The following PLCB1 variants were observed in gnomAD, a reference collection of about 807,000 sequenced individuals.
The protein encoded by PLCB1 is phospholipase C beta 1.
In PLCB1, 46 loss-of-function variants were observed where a neutral mutation model predicts 161.8. The observed-to-expected ratio is 0.28, with a 90% CI of 0.22 to 0.36. The LOEUF (loss-of-function observed/expected upper bound fraction) is 0.36, where lower values mean the gene tolerates loss of function less well. Ranked by LOEUF, PLCB1 falls within the 10% of genes least tolerant of loss-of-function variation. The probability of loss-of-function intolerance (pLI) is 1.00; values close to 1 mark genes in which losing one functional copy is unlikely to be tolerated. For synonymous variants in PLCB1, 517 were observed against 503.7 expected, an observed-to-expected ratio of 1.03 and a Z score of -0.35; for missense variants, 1,016 against 1,472.5, an observed-to-expected ratio of 0.69 and a Z score of 5.07.
chr20:8,299,530 C>T (rs925194585), intron 2 of PLCB1, among the ~76,000 whole-genome samples: 1 of 152,172 alleles, frequency 6.6e-6, no homozygotes, highest in African/African-American at 2.4e-5. Context: ...CCCAAATTCA[C>T]GTCACTGTTT....
At chr20:8,761,975 A>AGGG (rs1555788720) in intron 25 of PLCB1, among the ~76,000 whole-genome samples, 21 of 109,608 alleles carry the variant, frequency 1.9e-4, no homozygotes, top group African/African-American at 6.0e-4. Context: ...TGGGGAGGCC[A>AGGG]AGGGGGGGGC....
chr20:8,278,674 A>T (rs1254494591), intron 2 of PLCB1, among the ~76,000 whole-genome samples: 1 of 152,106 alleles, frequency 6.6e-6, no homozygotes, highest in Non-Finnish European at 1.5e-5. Flanking sequence ...GGCCAAAATT[A>T]AATTTTCTTA....
At chr20:8,461,899 A>G (rs767595327) in intron 3 of PLCB1, among the ~76,000 whole-genome samples, 5 of 152,100 alleles carry the variant, frequency 3.3e-5, no homozygotes. Flanking sequence ...TCATAACTCT[A>G]TCTCATCTTA....
At chr20:8,248,375 G>C (rs1387900465) in intron 2 of PLCB1, among the ~76,000 whole-genome samples, 1 of 151,834 alleles carries the variant, frequency 6.6e-6, no homozygotes, top group Non-Finnish European at 1.5e-5. Flanking sequence ...GAAGAAGGCT[G>C]CTACAGATAC....
intron 3 of PLCB1, among the ~76,000 whole-genome samples, chr20:8,601,004 A>G (rs377170385): frequency 0.027 from 4,058 of 151,938 alleles, 61 homozygotes; most frequent in Middle Eastern, 0.059. Flanking sequence ...ACTGTCTGGC[A>G]CTCCCTAGTG....
chr20:8,635,345 A>G (rs1383913841), intron 4 of PLCB1, among the ~76,000 whole-genome samples: 1 of 152,176 alleles, frequency 6.6e-6, no homozygotes, highest in East Asian at 1.9e-4. Context: ...ACTCTTGAAA[A>G]TAAGTGATAG....
chr20:8,681,084 G>GCATATATATA (rs1555782769), intron 9 of PLCB1, among the ~76,000 whole-genome samples: 2 of 39,792 alleles, frequency 5.0e-5, no homozygotes, highest in African/African-American at 2.4e-4. Context: ...ATATGTGTGT[G>GCATATATATA]TGTATATATA....
intron 1 of PLCB1, among the ~76,000 whole-genome samples, chr20:8,146,140 A>G (rs182141187): frequency 7.3e-5 from 11 of 151,054 alleles, no homozygotes; most frequent in Non-Finnish European, 1.3e-4. Flanking sequence ...ACAGTTATAC[A>G]TACAGCATAT....
chr20:8,660,585 G>T (rs932798798), intron 9 of PLCB1, among the ~76,000 whole-genome samples: 2 of 151,998 alleles, frequency 1.3e-5, no homozygotes, highest in African/African-American at 4.8e-5. Context: ...TGACTTGCAC[G>T]ATGTAGAGGG....
chr20:8,529,318 T>A (rs568102051), intron 3 of PLCB1, among the ~76,000 whole-genome samples: 3 of 152,016 alleles, frequency 2.0e-5, no homozygotes, highest in Admixed American at 6.6e-5. Context: ...AAAAGGCAAT[T>A]TAAATTTTCT....
intron 2 of PLCB1, among the ~76,000 whole-genome samples, chr20:8,175,916 ATATGAAAAGATGTCGCCTTCAT>A (rs1205837199): frequency 6.6e-6 from 1 of 152,218 alleles, no homozygotes; most frequent in Non-Finnish European, 1.5e-5. Flanking sequence ...GCACATAAGC[ATATGAAAAGATGTCGCCTTCAT>A]TAGCCATTAG....
chr20:8,169,431 A>T (rs112624673), intron 2 of PLCB1, among the ~76,000 whole-genome samples: 7,380 of 152,296 alleles, frequency 0.048, 218 homozygotes, highest in Middle Eastern at 0.13. Flanking sequence ...GAGATAACAC[A>T]TCTGAAACAC....
At chr20:8,594,960 T>G (rs1191959031) in intron 3 of PLCB1, among the ~76,000 whole-genome samples, 1 of 152,174 alleles carries the variant, frequency 6.6e-6, no homozygotes, top group Non-Finnish European at 1.5e-5. Flanking sequence ...TCCCATATTC[T>G]AACACCGAGG....
chr20:8,700,727 G>C lies in PLCB1; in HGVS notation c.1167+2944G>C, dbSNP rs574678108. 2.6e-5 allele frequency among the ~76,000 whole-genome samples: 4 copies of C among 152,252 alleles called. No homozygotes were observed. The East Asian group carries it at 7.7e-4, about 29-fold the overall frequency. On this transcript the variant is annotated intron_variant, in intron 11 of 31. Coordinates refer to ENST00000338037, the MANE Select transcript of PLCB1 (RefSeq NM_015192.4). ...ATTCCTCCTGCTAATGCACATAGCA[G>C]GATAGACAGTTCTGGCTGAGATGTG...
intron 3 of PLCB1, among the ~76,000 whole-genome samples, chr20:8,422,915 T>A (rs1304808065): frequency 6.6e-6 from 1 of 152,198 alleles, no homozygotes; most frequent in Non-Finnish European, 1.5e-5. Context: ...TCCCTATTTA[T>A]AAATGGCAAT....
chr20:8,331,838 T>C lies in PLCB1; in HGVS notation c.178-39544T>C, dbSNP rs116050689. On this transcript the variant is annotated intron_variant, in intron 2 of 31. Coordinates refer to ENST00000338037, the MANE Select transcript of PLCB1 (RefSeq NM_015192.4). Reference sequence around the variant, plus strand: ...CTGTGGATTTTTTGTGTTTGCTTCATATGGCTTAATATCACTTCACTCTGC... The same window carrying C: ...CTGTGGATTTTTTGTGTTTGCTTCACATGGCTTAATATCACTTCACTCTGC... Among the ~76,000 whole-genome samples the C allele has an allele frequency of 4.8e-3, 737 of 152,342 alleles. 7 individuals are homozygous for C. Among genetic ancestry groups the C allele is most frequent in the African/African-American group, 0.017 (696 of 41,572 alleles).
At chr20:8,156,337 A>G (rs940037791) in intron 2 of PLCB1, among the ~76,000 whole-genome samples, 9 of 152,196 alleles carry the variant, frequency 5.9e-5, no homozygotes, top group African/African-American at 2.2e-4. Flanking sequence ...CACAGTGGCA[A>G]CTGGCTTGAA....
intron 23 of PLCB1, among the ~76,000 whole-genome samples, chr20:8,745,632 ATATTTAGGT>A (rs1981132504): frequency 6.6e-6 from 1 of 151,864 alleles, no homozygotes; most frequent in African/African-American, 2.4e-5. Context: ...TATATGTATA[ATATTTAGGT>A]TATGTATTAT....
intron 2 of PLCB1, among the ~76,000 whole-genome samples, chr20:8,159,827 A>C (rs2051602242): frequency 6.6e-6 from 1 of 151,810 alleles, no homozygotes; most frequent in South Asian, 2.1e-4. Flanking sequence ...ATCTCTACTA[A>C]AAACACAAAA....
Sources: gnomAD v4.1 joint callset for allele counts (sites outside exome capture counted in the v4.1 genomes callset) on GRCh38, gnomAD v4.1.1 for gene constraint, MANE v1.5 for transcripts, NCBI Gene and HGNC (gene_info 2026-07-23, HGNC 2026-07-21) for gene names.